Variants in MTMR10 observed in about 807,000 individuals in gnomAD.
The protein encoded by MTMR10 is myotubularin-related protein 10.
In MTMR10, 56 loss-of-function variants were observed where a neutral mutation model predicts 88.1. The observed-to-expected ratio is 0.64, with a 90% CI of 0.51 to 0.79. The LOEUF (loss-of-function observed/expected upper bound fraction) is 0.79, where lower values mean the gene tolerates loss of function less well. Among genes scored for constraint, MTMR10 ranks in the 30% least tolerant of loss-of-function variants. The pLI is 0.00. For synonymous variants in MTMR10, 380 were observed against 340.9 expected, an observed-to-expected ratio of 1.11 and a Z score of -1.26; for missense variants, 883 against 924.7, an observed-to-expected ratio of 0.95 and a Z score of 0.58.
At chr15:30,949,801 C>G (rs777049977) in intron 12 of MTMR10, 2 of 152,164 alleles carry the variant, frequency 1.3e-5, no homozygotes, top group Non-Finnish European at 2.9e-5. Flanking sequence ...GAAAAGATTG[C>G]TGATACACAC....
chr15:30,926,774 G>A, the MTMR10 span: 5 of 985,244 alleles, frequency 5.1e-6, no homozygotes, highest in South Asian at 4.7e-5. Context: ...ACGTGGGAGC[G>A]CTGAAATGCT....
chr15:30,935,616 G>A (rs2062831464), downstream of MTMR10, among the ~76,000 whole-genome samples: 2 of 150,856 alleles, frequency 1.3e-5, no homozygotes, highest in South Asian at 4.2e-4. Flanking sequence ...AGGGACTTGA[G>A]CATCCATGGA....
intron 2 of MTMR10, among the ~76,000 whole-genome samples, chr15:30,983,289 C>T (rs935325397): frequency 1.3e-5 from 2 of 152,188 alleles, no homozygotes; most frequent in Non-Finnish European, 2.9e-5. Context: ...TAAGCAAAAA[C>T]CTTCTAAATT....
At chr15:30,990,873 T>TC in intron 1 of MTMR10, 36 bp from the exon 2 acceptor site, 1 of 1,528,518 alleles carries the variant, frequency 6.5e-7, no homozygotes, top group Non-Finnish European at 8.9e-7. Context: ...AAAATCTCAA[T>TC]CCCCCCACCC....
At chr15:30,959,559 T>C (rs1053753816) in intron 7 of MTMR10, among the ~76,000 whole-genome samples, 1 of 152,238 alleles carries the variant, frequency 6.6e-6, no homozygotes, top group African/African-American at 2.4e-5. Context: ...AGTCAGACTC[T>C]AGGACACTGA....
At position 30,958,896 on chromosome 15, in the gene MTMR10, T is replaced by C. The variant is rs1258843789; in HGVS notation, c.902A>G (p.Lys301Arg). Reference sequence around the variant, plus strand: ...AATCTTCCTCTGCTGCAGCACGTCTTTGATGAGGGCCATTCGCACAAGAGC... The same window carrying C: ...AATCTTCCTCTGCTGCAGCACGTCTCTGATGAGGGCCATTCGCACAAGAGC... ...GSALVRMALIKDVLQQRKIDQ... is the reference protein window; with the variant it reads ...GSALVRMALIRDVLQQRKIDQ... The change falls in exon 9 of 16, where the codon AAA (lysine) becomes AGA (arginine). Residue 301 changes from lysine to arginine, a missense_variant. Transcript: ENST00000435680. 6.2e-6 allele frequency: 10 copies of C among 1,613,940 alleles called. No homozygotes were observed. The African/African-American group carries it at 6.7e-5, about 11-fold the overall frequency.
intron 12 of MTMR10, 105 bp from the exon 13 acceptor site, chr15:30,948,576 G>T: frequency 8.5e-7 from 1 of 1,181,086 alleles, no homozygotes; most frequent in Non-Finnish European, 1.2e-6. Context: ...CACCTAGGCT[G>T]CCTTCCAAAT....
the MTMR10 span, chr15:30,930,721 G>A: frequency 6.2e-7 from 1 of 1,600,288 alleles, no homozygotes; most frequent in Non-Finnish European, 8.5e-7. Flanking sequence ...ATTAGCAACT[G>A]AATCAGAGGC....
At chr15:30,965,901 C>T (rs2063466878) in intron 6 of MTMR10, 16 of 359,958 alleles carry the variant, frequency 4.4e-5, no homozygotes, top group South Asian at 3.2e-4. Flanking sequence ...CTTCTTTAAT[C>T]CAGCCAATGA....
intron 5 of MTMR10, 92 bp from the exon 6 acceptor site, chr15:30,968,102 G>T: frequency 2.2e-6 from 2 of 890,782 alleles, no homozygotes; most frequent in Non-Finnish European, 1.7e-6. Flanking sequence ...GCATCATCTT[G>T]GGGCAGTGAT....
At chr15:30,927,742 C>T in the MTMR10 span, 87 of 985,750 alleles carry the variant, frequency 8.8e-5, 3 homozygotes, top group African/African-American at 7.8e-4. Context: ...CCTCCTCTGT[C>T]GGGAGGGCTG....
chr15:30,947,016 C>A, intron 14 of MTMR10, 114 bp downstream of exon 14: 1 of 1,294,830 alleles, frequency 7.7e-7, no homozygotes, highest in South Asian at 1.6e-5. Flanking sequence ...CTGAAAATGG[C>A]AGTAAGAATT....
chr15:30,941,506 T>C lies in MTMR10; in HGVS notation c.2298A>G (p.Ile766Met), dbSNP rs1383097811. 2 of 1,611,766 alleles carry C rather than the reference T, an allele frequency of 1.2e-6. No individual in the cohort carries two copies. Among genetic ancestry groups the C allele is most frequent in the Non-Finnish European group, 1.7e-6 (2 of 1,178,798 alleles). Reference sequence around the variant, plus strand: ...TTGCTAATGTCTCAGTAGACAACCATATTTTGGCCCCACTTAAAAATTTGC... The same window carrying C: ...TTGCTAATGTCTCAGTAGACAACCACATTTTGGCCCCACTTAAAAATTTGC... ...PLSKFLSGAK[I>M]WLSTETLANE... The change falls in exon 16 of 16, where the codon ATA (isoleucine) becomes ATG (methionine). Residue 766 changes from isoleucine (I) to methionine (M), a missense_variant. Ile to Met is a conservative substitution (Grantham distance 10, BLOSUM62 1). Transcript: ENST00000435680.
At chr15:30,950,410 C>T (rs2063228041) in intron 12 of MTMR10, 1 of 152,190 alleles carries the variant, frequency 6.6e-6, no homozygotes, top group Non-Finnish European at 1.5e-5. Context: ...TGGCTCACGC[C>T]TATAATCCTA....
In MTMR10 at chr15:30,989,245, A is replaced by T. The variant is rs80119640; in HGVS notation, c.121+1532T>A. Among the ~76,000 whole-genome samples the T allele has an allele frequency of 1.8e-4, 27 of 152,132 alleles. 1 individual carries two copies. Among genetic ancestry groups the T allele is most frequent in the Admixed American group, 1.7e-3 (26 of 15,274 alleles). On this transcript the variant is annotated intron_variant, in intron 2 of 15. Transcript: ENST00000435680. ...AGTGACTAAGACTAAAACAGAGCAC[A>T]CAGGGAGCAAGGGTTACTTAGTAAT...
Position 30,940,573 on chromosome 15 carries a change from C to T in MTMR10, c.*897G>A. Reference sequence around the variant, plus strand: ...CAAGCCCAGCACGCCTCCCAGCAAGCCTTGTTTGTTTTTGAGGGCGAGTTT... The same window carrying T: ...CAAGCCCAGCACGCCTCCCAGCAAGTCTTGTTTGTTTTTGAGGGCGAGTTT... On this transcript the variant is annotated 3_prime_UTR_variant, in exon 16 of 16. Coordinates refer to ENST00000435680, the MANE Select transcript of MTMR10 (RefSeq NM_017762.3). 1.0e-6 allele frequency: 1 copy of T among 985,454 alleles called. No homozygotes were observed. Among genetic ancestry groups the T allele is most frequent in the Non-Finnish European group, 1.2e-6 (1 of 830,058 alleles). The allele number at this position is 985,454 out of a possible 1,614,324, so 61.0% of individuals were successfully genotyped here. A position where few individuals can be genotyped will look rare whatever the true frequency, so the allele number is the denominator to read the frequency against.
At chr15:30,977,142 G>C (rs1050978399) in intron 2 of MTMR10, among the ~76,000 whole-genome samples, 187 bp from the exon 3 acceptor site, 1 of 152,132 alleles carries the variant, frequency 6.6e-6, no homozygotes, top group Non-Finnish European at 1.5e-5. Context: ...TGTTCTCCAA[G>C]GCGTAAAACT....
intron 6 of MTMR10, among the ~76,000 whole-genome samples, chr15:30,966,904 T>C (rs2063479529): frequency 6.6e-6 from 1 of 150,434 alleles, no homozygotes; most frequent in Non-Finnish European, 1.5e-5. Context: ...AGAAAGGTAG[T>C]TATCTTTTAA....
chr15:30,974,603 T>A (rs931850212), intron 4 of MTMR10, 147 bp from the exon 5 acceptor site: 49 of 831,052 alleles, frequency 5.9e-5, no homozygotes, highest in Non-Finnish European at 7.9e-5. Flanking sequence ...TTGTAATTCC[T>A]AGAACTTGGG....
Sources: gnomAD v4.1 joint callset for allele counts (sites outside exome capture counted in the v4.1 genomes callset) on GRCh38, gnomAD v4.1.1 for gene constraint, MANE v1.5 for transcripts, NCBI Gene and HGNC (gene_info 2026-07-23, HGNC 2026-07-21) for gene names.